The following PLBD1 variants were observed in gnomAD, a reference collection of about 807,000 sequenced individuals.
PLBD1 encodes the protein lysosomal leucine aminopeptidase.
In PLBD1, 60 loss-of-function variants were observed where a neutral mutation model predicts 63.0. The observed-to-expected ratio is 0.95, with a 90% CI of 0.77 to 1.18. The LOEUF (loss-of-function observed/expected upper bound fraction) is 1.18. PLBD1 is among the 50% of genes most tolerant of loss of function. The pLI is 0.00. For missense variants in PLBD1, 598 were observed against 677.9 expected (o/e 0.88, Z 1.31); for synonymous variants, 262 against 248.0 (o/e 1.06, Z -0.53).
chr12:14,548,935 C>A (rs1190284667), intron 2 of PLBD1, among the ~76,000 whole-genome samples: 1 of 152,194 alleles, frequency 6.6e-6, no homozygotes, highest in Non-Finnish European at 1.5e-5. Flanking sequence ...ACCCTTATCA[C>A]CATGCTTTCC....
chr12:14,508,569 G>C (rs2136903962), intron 8 of PLBD1, among the ~76,000 whole-genome samples: 1 of 152,248 alleles, frequency 6.6e-6, no homozygotes, highest in East Asian at 1.9e-4. Context: ...TGAAGTTCAA[G>C]ACCAGGCTGG....
intron 1 of PLBD1, among the ~76,000 whole-genome samples, chr12:14,554,749 C>A (rs576089917): frequency 6.6e-6 from 1 of 152,130 alleles, no homozygotes; most frequent in South Asian, 2.1e-4. Flanking sequence ...GGACTCATGA[C>A]CACTTACTCT....
chr12:14,532,600 C>A (rs1226661726), intron 6 of PLBD1, among the ~76,000 whole-genome samples: 1 of 152,250 alleles, frequency 6.6e-6, no homozygotes. Context: ...ATCTGCTTAC[C>A]AGGACCAGGC....
intron 2 of PLBD1, among the ~76,000 whole-genome samples, 155 bp downstream of exon 2, chr12:14,553,038 G>C (rs927545595): frequency 6.6e-6 from 1 of 152,094 alleles, no homozygotes; most frequent in Non-Finnish European, 1.5e-5. Context: ...CCTCACCCCC[G>C]CAAAAATGCA....
intron 10 of PLBD1, among the ~76,000 whole-genome samples, chr12:14,505,473 C>G (rs1227382157): frequency 6.6e-6 from 1 of 152,166 alleles, no homozygotes; most frequent in Admixed American, 6.5e-5. Context: ...TTTTTAACAA[C>G]AATCTTTCTT....
At chr12:14,554,586 G>A (rs1945686436) in intron 1 of PLBD1, among the ~76,000 whole-genome samples, 2 of 152,034 alleles carry the variant, frequency 1.3e-5, no homozygotes, top group Admixed American at 1.3e-4. Flanking sequence ...CTTCTGGAAA[G>A]AGGAATGCAC....
At chr12:14,533,714 C>T (rs1170194571) in intron 6 of PLBD1, among the ~76,000 whole-genome samples, 1 of 152,208 alleles carries the variant, frequency 6.6e-6, no homozygotes, top group Non-Finnish European at 1.5e-5. Context: ...CACAGTCTAA[C>T]TCAGAGAGAG....
chr12:14,562,544 C>T (rs1565582268), intron 1 of PLBD1, among the ~76,000 whole-genome samples: 1 of 151,024 alleles, frequency 6.6e-6, no homozygotes, highest in Non-Finnish European at 1.5e-5. Context: ...GCTAAAATTT[C>T]CCCATAATTT....
chr12:14,507,670 G>A (rs559243843), intron 8 of PLBD1, among the ~76,000 whole-genome samples: 5 of 152,144 alleles, frequency 3.3e-5, no homozygotes, highest in East Asian at 1.9e-4. Flanking sequence ...TTTGAAAGAC[G>A]TCAATGGGGA....
chr12:14,523,159 T>C (rs1453100843), intron 6 of PLBD1, among the ~76,000 whole-genome samples: 1 of 152,092 alleles, frequency 6.6e-6, no homozygotes. Flanking sequence ...TTGAGTACAG[T>C]TGCAGGATAT....
At chr12:14,524,376 A>G (rs1417563315) in intron 6 of PLBD1, among the ~76,000 whole-genome samples, 2 of 152,196 alleles carry the variant, frequency 1.3e-5, no homozygotes, top group Non-Finnish European at 2.9e-5. Flanking sequence ...TTTGTTCACT[A>G]CACAATGTAT....
intron 8 of PLBD1, among the ~76,000 whole-genome samples, chr12:14,508,801 T>C (rs1177723553): frequency 6.6e-6 from 1 of 152,090 alleles, no homozygotes; most frequent in Non-Finnish European, 1.5e-5. Flanking sequence ...GCAGCTTGTT[T>C]AATCTCACAA....
At chr12:14,516,995 C>T (rs903080672) in intron 6 of PLBD1, among the ~76,000 whole-genome samples, 3 of 152,054 alleles carry the variant, frequency 2.0e-5, no homozygotes, top group Admixed American at 1.3e-4. Context: ...GCTGAGATCA[C>T]GCCATTCCAC....
At chr12:14,544,474 C>T (rs532305704) in intron 2 of PLBD1, among the ~76,000 whole-genome samples, 242 of 152,016 alleles carry the variant, frequency 1.6e-3, no homozygotes, top group African/African-American at 5.6e-3. Flanking sequence ...GCACTGGGCC[C>T]GTTTTTTCCA....
At position 14,548,480 on chromosome 12, in the gene PLBD1, A is replaced by AAAG. The variant is rs1223430293; in HGVS notation, c.335+4710_335+4712dup. Among the ~76,000 whole-genome samples the AAAG allele has an allele frequency of 5.8e-5, 6 of 102,594 alleles. No individual in the cohort carries two copies. In the South Asian group the frequency reaches 8.7e-4, roughly 15 times the overall value. 67.3% of individuals were successfully genotyped at this position (102,594 alleles called of 152,430 possible). ...TCCAAAAAAAAAAAAAAAAAAAAAA[A>AAAG]AAGAAGAAGAAGAAGAAATTTTTGA... is the stretch of plus-strand genomic sequence containing the variant. On this transcript the variant is annotated intron_variant, in intron 2 of 10. Coordinates refer to ENST00000240617, the MANE Select transcript of PLBD1 (RefSeq NM_024829.6).
intron 2 of PLBD1, among the ~76,000 whole-genome samples, chr12:14,543,454 C>A (rs1306664100): frequency 6.6e-6 from 1 of 152,098 alleles, no homozygotes; most frequent in Non-Finnish European, 1.5e-5. Context: ...CACGATGGTT[C>A]ACACTTGTAA....
intron 1 of PLBD1, among the ~76,000 whole-genome samples, chr12:14,564,485 C>G (rs181516415): frequency 7.2e-5 from 11 of 152,300 alleles, no homozygotes; most frequent in Non-Finnish European, 1.2e-4. Context: ...ATGATGCCTA[C>G]CAGGAGACAG....
intron 1 of PLBD1, among the ~76,000 whole-genome samples, chr12:14,561,738 CA>C (rs1945743599): frequency 6.6e-6 from 1 of 152,070 alleles, no homozygotes; most frequent in African/African-American, 2.4e-5. Context: ...GTATTTTTAG[CA>C]GAGACGGGGT....
At chr12:14,544,373 C>T (rs1235149936) in intron 2 of PLBD1, among the ~76,000 whole-genome samples, 1 of 152,144 alleles carries the variant, frequency 6.6e-6, no homozygotes, top group African/African-American at 2.4e-5. Flanking sequence ...GGGGTTTTGC[C>T]ATATTGGCCA....
Sources: gnomAD v4.1 joint callset for allele counts (sites outside exome capture counted in the v4.1 genomes callset) on GRCh38, gnomAD v4.1.1 for gene constraint, MANE v1.5 for transcripts, NCBI Gene and HGNC (gene_info 2026-07-23, HGNC 2026-07-21) for gene names.